RAB27B: variants seen among roughly 807,000 people sequenced by gnomAD.
RAB27B encodes the protein RAB27B, member RAS oncogene family.
In RAB27B, 15 loss-of-function variants were observed where a neutral mutation model predicts 24.6. The observed-to-expected ratio is 0.61, with a 90% CI of 0.41 to 0.94. The LOEUF (loss-of-function observed/expected upper bound fraction) is 0.94. Among genes scored for constraint, RAB27B ranks in the 40% least tolerant of loss-of-function variants. The probability of loss-of-function intolerance (pLI) is 0.00; values close to 1 mark genes in which losing one functional copy is unlikely to be tolerated. For synonymous variants in RAB27B, 105 were observed against 92.5 expected (o/e 1.14, Z -0.78); for missense variants, 261 against 266.8 (o/e 0.98, Z 0.15).
At chr18:54,833,749 A>G (rs1176756525) in intron 1 of RAB27B, among the ~76,000 whole-genome samples, 1 of 152,196 alleles carries the variant, frequency 6.6e-6, no homozygotes, top group East Asian at 1.9e-4. Flanking sequence ...AGTCAGGTGA[A>G]GGGGTTGAGA....
Position 54,877,551 on chromosome 18 carries a change from T to C in RAB27B, c.-19-16T>C. On this transcript the variant is annotated splice_polypyrimidine_tract_variant and intron_variant, in intron 1 of 5. Coordinates refer to ENST00000262094, the MANE Select transcript of RAB27B (RefSeq NM_004163.4). ...AACTTTAATCAAAACATACTTGTTT[T>C]CCCTCTCCTATACAGACCGACCAAG... 7.4e-7 allele frequency: 1 copy of C among 1,359,626 alleles called. No homozygotes were observed. Among genetic ancestry groups the C allele is most frequent in the Non-Finnish European group, 9.6e-7 (1 of 1,043,694 alleles). 84.2% of individuals were successfully genotyped at this position (1,359,626 alleles called of 1,614,324 possible).
intron 2 of RAB27B, among the ~76,000 whole-genome samples, chr18:54,739,174 G>A (rs1404033986): frequency 6.6e-6 from 1 of 151,978 alleles, no homozygotes; most frequent in African/African-American, 2.4e-5. Context: ...CTACCTTTTG[G>A]CCAGGTGTGG....
intron 2 of RAB27B, among the ~76,000 whole-genome samples, chr18:54,752,761 T>G (rs957497713): frequency 2.0e-5 from 3 of 152,188 alleles, no homozygotes; most frequent in Admixed American, 2.0e-4. Context: ...CGTGCTGTTG[T>G]GGCCATTCTA....
chr18:54,769,169 A>G (rs1171920815), intron 2 of RAB27B, among the ~76,000 whole-genome samples: 2 of 152,188 alleles, frequency 1.3e-5, no homozygotes, highest in Non-Finnish European at 2.9e-5. Flanking sequence ...CCAAGATACA[A>G]TGGAGGTACA....
intron 3 of RAB27B, chr18:54,879,684 G>A: frequency 6.3e-6 from 3 of 474,930 alleles, no homozygotes; most frequent in Non-Finnish European, 1.1e-5. Context: ...TCTCTCTGAA[G>A]ATTCTTGCTA....
chr18:54,804,985 T>TTCCTTCC, intron 2 of RAB27B, among the ~76,000 whole-genome samples: 1 of 11,054 alleles, frequency 9.0e-5, no homozygotes, highest in African/African-American at 2.4e-4. Context: ...CCTTCCTTCC[T>TTCCTTCC]TTTTTTTTTT....
chr18:54,856,121 A>G (rs1044581636), intron 1 of RAB27B, among the ~76,000 whole-genome samples: 2 of 152,242 alleles, frequency 1.3e-5, no homozygotes, highest in Admixed American at 6.5e-5. Flanking sequence ...AAGAATTAAA[A>G]TATGGGGAAC....
Position 54,738,176 on chromosome 18 carries a change from C to T in RAB27B, c.-20+20035C>T, listed in dbSNP as rs1002351209. 3.3e-5 allele frequency among the ~76,000 whole-genome samples: 5 copies of T among 152,138 alleles called. No individual in the cohort carries two copies. The South Asian group carries it at 8.3e-4, about 25-fold the overall frequency. Reference sequence around the variant, plus strand: ...ATCTTGTCTTTCTGCATATATTTCTCATTATTTATTTTATAGCTGACTGCC... The same window carrying T: ...ATCTTGTCTTTCTGCATATATTTCTTATTATTTATTTTATAGCTGACTGCC... On this transcript the variant is annotated intron_variant, in intron 2 of 4. Transcript: ENST00000586570.
Position 54,793,407 on chromosome 18 carries a change from C to T in RAB27B, c.-20+75266C>T, listed in dbSNP as rs185391879. Among the ~76,000 whole-genome samples the T allele has an allele frequency of 5.9e-5, 9 of 152,190 alleles. No homozygotes were observed. The East Asian group carries it at 1.7e-3, about 29-fold the overall frequency. ...GAGTATCCTCTTTCATGTGATATGC[C>T]ACATAATGAGAGAGGAACATAGATA... On this transcript the variant is annotated intron_variant, in intron 2 of 4. Coordinates refer to the RAB27B transcript ENST00000586570.
At chr18:54,728,900 AC>A (rs1568044201) in intron 2 of RAB27B, among the ~76,000 whole-genome samples, 1 of 63,950 alleles carries the variant, frequency 1.6e-5, no homozygotes, top group Non-Finnish European at 3.3e-5. Flanking sequence ...AAAAAAAAAA[AC>A]CCAAAAAAAA....
chr18:54,834,882 T>C (rs939068009), intron 1 of RAB27B, among the ~76,000 whole-genome samples: 9 of 151,874 alleles, frequency 5.9e-5, no homozygotes, highest in African/African-American at 1.9e-4. Context: ...ATCTGTTTTC[T>C]TCTTGTTTCT....
At chr18:54,851,261 T>C (rs1426109854) in intron 1 of RAB27B, among the ~76,000 whole-genome samples, 1 of 152,188 alleles carries the variant, frequency 6.6e-6, no homozygotes, top group Non-Finnish European at 1.5e-5. Flanking sequence ...TGTTAGAAAT[T>C]GCTTATTTTT....
intron 1 of RAB27B, among the ~76,000 whole-genome samples, chr18:54,850,920 C>T (rs912337823): frequency 6.6e-6 from 1 of 151,828 alleles, no homozygotes; most frequent in Non-Finnish European, 1.5e-5. Flanking sequence ...GACCTTCAAA[C>T]CTCAGGCCTC....
chr18:54,832,410 A>G lies in RAB27B; in HGVS notation c.-20+3710A>G, dbSNP rs144361841. Among the ~76,000 whole-genome samples, 608 of 152,362 alleles carry G rather than the reference A, an allele frequency of 4.0e-3. 2 individuals are homozygous for G. The highest frequency in any genetic ancestry group is 0.014 in the African/African-American group (589 of 41,594). ...AGGGAAGAAATGGTTTTAATGGGAAATGAAGAATTTATTTGCAGCCTTTTG... is the reference window on the plus strand; with the variant it reads ...AGGGAAGAAATGGTTTTAATGGGAAGTGAAGAATTTATTTGCAGCCTTTTG... On this transcript the variant is annotated intron_variant, in intron 1 of 5. Coordinates refer to ENST00000262094, the MANE Select transcript of RAB27B (RefSeq NM_004163.4).
intron 3 of RAB27B, 98 bp from the exon 4 acceptor site, chr18:54,884,235 C>A: frequency 2.8e-6 from 2 of 712,518 alleles, no homozygotes; most frequent in Non-Finnish European, 4.9e-6. Context: ...AAGGGCCAGT[C>A]ACGGAGAATT....
intron 1 of RAB27B, among the ~76,000 whole-genome samples, chr18:54,854,134 C>T (rs942974803): frequency 1.3e-5 from 2 of 152,122 alleles, no homozygotes; most frequent in Admixed American, 6.5e-5. Flanking sequence ...TATTTACATT[C>T]GTCTTTAGAA....
At chr18:54,729,185 A>G (rs1323237240) in intron 2 of RAB27B, among the ~76,000 whole-genome samples, 1 of 152,108 alleles carries the variant, frequency 6.6e-6, no homozygotes, top group African/African-American at 2.4e-5. Flanking sequence ...TATTAGTGCT[A>G]TTTGGAATAC....
chr18:54,843,332 C>T (rs1369112890), intron 1 of RAB27B, among the ~76,000 whole-genome samples: 1 of 146,226 alleles, frequency 6.8e-6, no homozygotes, highest in African/African-American at 2.5e-5. Context: ...TAATAACATA[C>T]CTATAAGTTT....
chr18:54,824,016 T>C (rs1171377672), upstream of RAB27B, among the ~76,000 whole-genome samples: 1 of 152,226 alleles, frequency 6.6e-6, no homozygotes, highest in East Asian at 1.9e-4. Flanking sequence ...TTGCCTATCC[T>C]GCTATTTCTT....
Sources: allele counts gnomAD v4.1 joint callset (sites outside exome capture counted in the v4.1 genomes callset), GRCh38; gene constraint gnomAD v4.1.1; transcripts MANE v1.5; gene names NCBI Gene and HGNC (gene_info 2026-07-23, HGNC 2026-07-21).